ASS1: variants seen among roughly 807,000 people sequenced by gnomAD.
ASS1 encodes argininosuccinate synthase.
In ASS1, 58 loss-of-function variants were observed where a neutral mutation model predicts 60.5. The observed-to-expected ratio is 0.96, with a 90% confidence interval of 0.78 to 1.19. The LOEUF (loss-of-function observed/expected upper bound fraction) is 1.19, where lower values mean the gene tolerates loss of function less well. ASS1 is among the 50% of genes most tolerant of loss of function. The pLI, the probability that ASS1 is intolerant of heterozygous loss-of-function variation, is 0.00. For missense variants in ASS1, 454 were observed against 547.3 expected (o/e 0.83, Z 1.70); for synonymous variants, 200 against 206.9 (o/e 0.97, Z 0.29).
chr9:130,454,286 C>T lies in ASS1; in HGVS notation c.106-19C>T. 6.2e-7 allele frequency: 1 copy of T among 1,606,904 alleles called. No homozygotes were observed. The highest frequency in any genetic ancestry group is 8.5e-7 in the Non-Finnish European group (1 of 1,177,326). ...CTCCCCCCAGGGGCTGACGGAGCCT[C>T]TCCGCTTCTGCTTCTCAGGCCAACA... On this transcript the variant is annotated intron_variant, in intron 2 of 14. Transcript: ENST00000352480.
At chr9:130,455,769 G>A (rs1845436298) in intron 3 of ASS1, among the ~76,000 whole-genome samples, 1 of 152,264 alleles carries the variant, frequency 6.6e-6, no homozygotes, top group Non-Finnish European at 1.5e-5. Context: ...TGATGTGCAA[G>A]GCCACCAGCC....
intron 6 of ASS1, 148 bp downstream of exon 6, chr9:130,466,947 C>A: frequency 1.1e-6 from 1 of 941,600 alleles, no homozygotes; most frequent in South Asian, 1.5e-5. Context: ...GCTGCCTACA[C>A]ACGTGGCCTC....
chr9:130,466,820 C>A (rs764772423), intron 6 of ASS1, 21 bp downstream of exon 6: 7 of 1,611,928 alleles, frequency 4.3e-6, no homozygotes, highest in Middle Eastern at 1.6e-4. Context: ...GTCTCCCCAC[C>A]ACCCCCAACC....
At position 130,476,605 on chromosome 9, in the gene ASS1, T is replaced by C; in HGVS notation, c.598-266T>C. ...CTGACTTGTTCCTCTCCAGCTATTC[T>C]ACCTCCAGCTGTGGGGGCGTCGAAG... On this transcript the variant is annotated intron_variant, in intron 8 of 14. Coordinates refer to ENST00000352480, the MANE Select transcript of ASS1 (RefSeq NM_054012.4). This position sits in a 1 kb window ranked among gnomAD's most constrained non-coding sequence, Gnocchi z 4.9. 1 of 570,312 alleles carries C rather than the reference T, an allele frequency of 1.8e-6. No homozygotes were observed. Among genetic ancestry groups the C allele is most frequent in the Non-Finnish European group, 3.2e-6 (1 of 317,406 alleles). The allele number at this position is 570,312 out of a possible 1,614,324, so 35.3% of individuals were successfully genotyped here.
intron 11 of ASS1, among the ~76,000 whole-genome samples, chr9:130,484,481 G>A (rs1487261780): frequency 6.6e-6 from 1 of 151,880 alleles, no homozygotes; most frequent in Non-Finnish European, 1.5e-5. Flanking sequence ...TAATTATGGT[G>A]TGATTGAAGC....
Position 130,494,684 on chromosome 9 carries a change from G to A in ASS1, c.971-183G>A, listed in dbSNP as rs1846535261. On this transcript the variant is annotated intron_variant, in intron 12 of 14. Coordinates refer to ENST00000352480, the MANE Select transcript of ASS1 (RefSeq NM_054012.4). This position sits in a 1 kb window ranked among gnomAD's most constrained non-coding sequence, Gnocchi z 4.3. ...GGCCCTTTGCAAGGTTAGAGGGCAG[G>A]GCTATGAAAGCATGGTCCTCAACTC... Among the ~76,000 whole-genome samples, 1 of 152,190 alleles carries A rather than the reference G, an allele frequency of 6.6e-6. No individual in the cohort carries two copies. Among genetic ancestry groups the A allele is most frequent in the Non-Finnish European group, 1.5e-5 (1 of 68,040 alleles).
intron 11 of ASS1, among the ~76,000 whole-genome samples, chr9:130,483,407 C>T (rs1369885965): frequency 6.6e-6 from 1 of 150,664 alleles, no homozygotes; most frequent in Non-Finnish European, 1.5e-5. Flanking sequence ...CTGGGGTGGC[C>T]TAGTCAGCGG....
In ASS1 at chr9:130,489,197, A is replaced by C; in HGVS notation, c.839-136A>C. 1.7e-6 allele frequency: 2 copies of C among 1,206,514 alleles called. No individual in the cohort carries two copies. Among genetic ancestry groups the C allele is most frequent in the Non-Finnish European group, 1.2e-6 (1 of 856,510 alleles). The allele number at this position is 1,206,514 out of a possible 1,614,324, so 74.7% of individuals were successfully genotyped here. A position where few individuals can be genotyped will look rare whatever the true frequency, so the allele number is the denominator to read the frequency against. On this transcript the variant is annotated intron_variant, in intron 11 of 14. Transcript: ENST00000352480. The surrounding 1 kb of genome is among the most constrained non-coding windows in gnomAD (Gnocchi z 4.1). ...GCATTTTGCAGCAAGCTGGGAGTGA[A>C]TGGGTCCGGCCGGCTTGTCTCCTGT... is the stretch of plus-strand genomic sequence containing the variant.
chr9:130,463,372 G>A (rs1489887720), intron 4 of ASS1, among the ~76,000 whole-genome samples: 1 of 152,044 alleles, frequency 6.6e-6, no homozygotes, highest in Non-Finnish European at 1.5e-5. Flanking sequence ...GCTATGTCGG[G>A]GGTAACGTTC....
rs1419938185 is a variant in ASS1 at position 130,499,563 on chromosome 9, T to A, written c.1186T>A (p.Ser396Thr). 1 of 1,613,322 alleles carries A rather than the reference T, an allele frequency of 6.2e-7. No individual in the cohort carries two copies. Among genetic ancestry groups the A allele is most frequent in the Non-Finnish European group, 8.5e-7 (1 of 1,179,784 alleles). Residue 396 changes from serine to threonine, a missense_variant, in exon 14 of 15, where the codon TCC becomes ACC. Coordinates refer to ENST00000352480, the MANE Select transcript of ASS1 (RefSeq NM_054012.4). Reference protein sequence around the residue: ...TDATGFININSLRLKEYHRLQ... With the variant: ...TDATGFININTLRLKEYHRLQ... ...TGCCACCGGGTTCATCAACATCAATTCCCTCAGGTGAGAAGCTCAGGGCCC... is the reference window on the plus strand; with the variant it reads ...TGCCACCGGGTTCATCAACATCAATACCCTCAGGTGAGAAGCTCAGGGCCC...
chr9:130,479,741 C>G lies in ASS1; in HGVS notation c.714C>G (p.Val238=), dbSNP rs1252459333. The G allele has an allele frequency of 1.9e-5, 31 of 1,614,192 alleles. No individual in the cohort carries two copies. Among genetic ancestry groups the G allele is most frequent in the Non-Finnish European group, 2.6e-5 (31 of 1,180,020 alleles). ...GGGTCCCTGTGAAGGTGACCAACGT[C>G]AAGGATGGCACCACCCACCAGACCT... ...KKGVPVKVTN[V]KDGTTHQTSL... The change falls in exon 10 of 15, where the codon GTC becomes GTG. Residue 238 remains valine, a synonymous_variant. Transcript: ENST00000352480.
In ASS1 at chr9:130,459,317, C is replaced by T. The variant is rs1401286857; in HGVS notation, c.363+728C>T. ...CTCCATCTTCCCAAGCTGTCTTCTT[C>T]CTGTATCTCTGCATTGTCTTCCCTC... On this transcript the variant is annotated intron_variant, in intron 4 of 14. Coordinates refer to ENST00000352480, the MANE Select transcript of ASS1 (RefSeq NM_054012.4). This position sits in a 1 kb window ranked among gnomAD's most constrained non-coding sequence, Gnocchi z 4.6. Among the ~76,000 whole-genome samples, 4 of 152,048 alleles carry T rather than the reference C, an allele frequency of 2.6e-5. No individual in the cohort carries two copies. The highest frequency in any genetic ancestry group is 2.6e-4 in the Admixed American group (4 of 15,260).
chr9:130,462,748 GC>G (rs1479341244), intron 4 of ASS1, among the ~76,000 whole-genome samples: 6 of 152,102 alleles, frequency 3.9e-5, no homozygotes, highest in Non-Finnish European at 7.4e-5. Flanking sequence ...AAATGTGGCC[GC>G]CCCCACCTCA....
intron 6 of ASS1, among the ~76,000 whole-genome samples, chr9:130,469,064 CT>C (rs1366691182): frequency 3.3e-5 from 5 of 152,230 alleles, no homozygotes; most frequent in Non-Finnish European, 7.3e-5. Context: ...GGCAAAGGTT[CT>C]TTCACGCCAC....
intron 11 of ASS1, among the ~76,000 whole-genome samples, chr9:130,485,140 G>A (rs908299606): frequency 2.6e-5 from 4 of 152,208 alleles, no homozygotes; most frequent in African/African-American, 9.6e-5. Context: ...CCTTGGACAA[G>A]TCACAGCTCT....
intron 8 of ASS1, among the ~76,000 whole-genome samples, chr9:130,472,364 C>G (rs1845887860): frequency 6.6e-6 from 1 of 152,160 alleles, no homozygotes; most frequent in Non-Finnish European, 1.5e-5. Context: ...GCGTCTGTCA[C>G]TCTCACGCCC....
chr9:130,446,790 T>C (rs12380009), intron 1 of ASS1, among the ~76,000 whole-genome samples: 14,067 of 152,264 alleles, frequency 0.092, 835 homozygotes, highest in South Asian at 0.13. Context: ...GAGCACTGAC[T>C]ACACAGTCCC....
In ASS1 at chr9:130,476,758, C is replaced by T. The variant is rs1846029163; in HGVS notation, c.598-113C>T. On this transcript the variant is annotated intron_variant, in intron 8 of 14. Coordinates refer to ENST00000352480, the MANE Select transcript of ASS1 (RefSeq NM_054012.4). The surrounding 1 kb of genome is among the most constrained non-coding windows in gnomAD (Gnocchi z 4.9). Reference sequence around the variant, plus strand: ...GACCGGGGGATCTGCCGGACCCCACCAGCTGGTGGGGAAATGGACAGAGGA... The same window carrying T: ...GACCGGGGGATCTGCCGGACCCCACTAGCTGGTGGGGAAATGGACAGAGGA... The T allele has an allele frequency of 4.7e-6, 5 of 1,060,850 alleles. No individual in the cohort carries two copies. Among genetic ancestry groups the T allele is most frequent in the Admixed American group, 1.7e-5 (1 of 59,016 alleles). The allele number at this position is 1,060,850 out of a possible 1,614,324, so 65.7% of individuals were successfully genotyped here.
rs1846704253 is a variant in ASS1, at chr9:130,499,922, A to T, written c.1193+352A>T. Among the ~76,000 whole-genome samples, 3 of 152,126 alleles carry T rather than the reference A, an allele frequency of 2.0e-5. No homozygotes were observed. The South Asian group carries it at 6.2e-4, about 32-fold the overall frequency. On this transcript the variant is annotated intron_variant, in intron 14 of 14. Transcript: ENST00000352480. ...AAGGAAATAGCATAGAGGTGGAGAG[A>T]AGCCTTTGTTTTCTGTCACCATACC...
Sources: allele counts gnomAD v4.1 joint callset (sites outside exome capture counted in the v4.1 genomes callset), GRCh38; gene constraint gnomAD v4.1.1; non-coding constraint Gnocchi (gnomAD v3.1); transcripts MANE v1.5; gene names NCBI Gene and HGNC (gene_info 2026-07-23, HGNC 2026-07-21).